The following HS3ST5 variants were observed in gnomAD, a reference collection of about 807,000 sequenced individuals.
The protein encoded by HS3ST5 is heparan sulfate glucosamine 3-O-sulfotransferase 5.
In HS3ST5, 10 loss-of-function variants were observed where a neutral mutation model predicts 25.4. The observed-to-expected ratio is 0.39, with a 90% CI of 0.24 to 0.67. The LOEUF (loss-of-function observed/expected upper bound fraction) is 0.67. HS3ST5 is among the 30% of genes least tolerant of loss of function. The probability of loss-of-function intolerance (pLI) is 0.44; values close to 1 mark genes in which losing one functional copy is unlikely to be tolerated. For missense variants in HS3ST5, 324 were observed against 420.7 expected (o/e 0.77, Z 2.01); for synonymous variants, 170 against 162.4 (o/e 1.05, Z -0.36).
At chr6:114,335,168 C>T (rs2114929129) in intron 1 of HS3ST5, among the ~76,000 whole-genome samples, 1 of 152,170 alleles carries the variant, frequency 6.6e-6, no homozygotes, top group Middle Eastern at 3.4e-3. Context: ...TGGGTCCTTC[C>T]TGGGCCTCAA....
chr6:114,298,513 G>A (rs1255212800), intron 1 of HS3ST5, among the ~76,000 whole-genome samples: 2 of 152,148 alleles, frequency 1.3e-5, no homozygotes, highest in Non-Finnish European at 2.9e-5. Flanking sequence ...TGTCATAGAT[G>A]AGAATTAAAA....
chr6:114,114,867 T>G (rs183131599), intron 3 of HS3ST5, among the ~76,000 whole-genome samples: 2 of 152,272 alleles, frequency 1.3e-5, no homozygotes, highest in Admixed American at 1.3e-4. Flanking sequence ...TCTTTTTGTG[T>G]TAAAAGGTTA....
At chr6:114,123,989 C>T (rs909539386) in intron 3 of HS3ST5, among the ~76,000 whole-genome samples, 2 of 152,130 alleles carry the variant, frequency 1.3e-5, no homozygotes, top group Non-Finnish European at 2.9e-5. Context: ...ATTATCACAT[C>T]CACTTTCTAA....
chr6:114,201,401 A>C (rs1264869896), intron 2 of HS3ST5, among the ~76,000 whole-genome samples: 1 of 152,098 alleles, frequency 6.6e-6, no homozygotes, highest in African/African-American at 2.4e-5. Flanking sequence ...TTGTTATTCC[A>C]ATAGTCGTTT....
At chr6:114,294,632 A>G (rs1384802324) in intron 1 of HS3ST5, among the ~76,000 whole-genome samples, 3 of 152,088 alleles carry the variant, frequency 2.0e-5, no homozygotes, top group East Asian at 3.9e-4. Flanking sequence ...TTTTTAGTAG[A>G]GACGGGGTTT....
At position 114,191,661 on chromosome 6, in the gene HS3ST5, G is replaced by A. The variant is rs113456999; in HGVS notation, c.-144-23199C>T. Among the ~76,000 whole-genome samples the A allele has an allele frequency of 2.7e-3, 414 of 152,118 alleles. 2 individuals carry two copies. Among genetic ancestry groups the A allele is most frequent in the African/African-American group, 9.5e-3 (395 of 41,474 alleles). ...GGCAAAGTCAAATATCCATATCATCGGTGCCTTGCAGTGTCCGAAGCTGGG... is the reference window on the plus strand; with the variant it reads ...GGCAAAGTCAAATATCCATATCATCAGTGCCTTGCAGTGTCCGAAGCTGGG... On this transcript the variant is annotated intron_variant, in intron 2 of 4. Coordinates refer to ENST00000312719, the MANE Select transcript of HS3ST5 (RefSeq NM_153612.4).
chr6:114,341,614 G>C (rs1020329798), intron 1 of HS3ST5, among the ~76,000 whole-genome samples: 2 of 150,102 alleles, frequency 1.3e-5, no homozygotes, highest in African/African-American at 2.4e-5. Flanking sequence ...CGTGTGTGTT[G>C]GGTGGGAAGA....
intron 1 of HS3ST5, among the ~76,000 whole-genome samples, chr6:114,330,787 CAA>C (rs1299835410): frequency 1.3e-5 from 2 of 152,130 alleles, no homozygotes; most frequent in Admixed American, 1.3e-4. Context: ...CTGGGTAAAA[CAA>C]AGACTGCAAC....
chr6:114,183,723 A>G (rs535089300), intron 2 of HS3ST5, among the ~76,000 whole-genome samples: 52 of 152,162 alleles, frequency 3.4e-4, no homozygotes, highest in Non-Finnish European at 5.1e-4. Context: ...TCATAAAGGG[A>G]TTTTTAAAGG....
intron 3 of HS3ST5, among the ~76,000 whole-genome samples, chr6:114,080,465 A>G (rs1774387843): frequency 6.6e-6 from 1 of 152,238 alleles, no homozygotes; most frequent in Admixed American, 6.5e-5. Flanking sequence ...AAATTGTTCT[A>G]CCAAAAGAAA....
chr6:114,140,774 T>C (rs1198269268), intron 3 of HS3ST5, among the ~76,000 whole-genome samples: 1 of 152,170 alleles, frequency 6.6e-6, no homozygotes, highest in Non-Finnish European at 1.5e-5. Flanking sequence ...AATGGCTAGT[T>C]TGTTATTTTT....
chr6:114,124,630 CTTT>C (rs565626745), intron 3 of HS3ST5, among the ~76,000 whole-genome samples: 4 of 127,818 alleles, frequency 3.1e-5, no homozygotes, highest in Admixed American at 8.0e-5. Flanking sequence ...AGGATTAGCT[CTTT>C]TTTTTTTTTT....
At chr6:114,261,669 T>C (rs1050271674) in intron 1 of HS3ST5, among the ~76,000 whole-genome samples, 3 of 152,238 alleles carry the variant, frequency 2.0e-5, no homozygotes, top group African/African-American at 7.2e-5. Context: ...CCATTTACAG[T>C]ATAGTTTATT....
At chr6:114,295,514 A>C (rs947078506) in intron 1 of HS3ST5, among the ~76,000 whole-genome samples, 3 of 152,200 alleles carry the variant, frequency 2.0e-5, no homozygotes, top group African/African-American at 7.2e-5. Context: ...AAGCAGAAAC[A>C]CTTATTCAAA....
At chr6:114,165,646 C>T (rs969731285) in intron 3 of HS3ST5, among the ~76,000 whole-genome samples, 1 of 152,180 alleles carries the variant, frequency 6.6e-6, no homozygotes, top group African/African-American at 2.4e-5. Flanking sequence ...GGCAACTTGA[C>T]GTCAGTGTCA....
chr6:114,319,792 T>C (rs1775888173), intron 1 of HS3ST5, among the ~76,000 whole-genome samples: 1 of 152,156 alleles, frequency 6.6e-6, no homozygotes, highest in Non-Finnish European at 1.5e-5. Flanking sequence ...CAAACAAGAT[T>C]GTAATAAACA....
intron 3 of HS3ST5, among the ~76,000 whole-genome samples, chr6:114,102,294 A>G (rs1036913305): frequency 6.6e-6 from 1 of 152,224 alleles, no homozygotes; most frequent in Admixed American, 6.5e-5. Context: ...ATGGTTGCAC[A>G]TAGTTCTTTC....
intron 1 of HS3ST5, among the ~76,000 whole-genome samples, chr6:114,323,072 C>T (rs1469304525): frequency 6.6e-6 from 1 of 152,104 alleles, no homozygotes; most frequent in Non-Finnish European, 1.5e-5. Context: ...TTGCAATACA[C>T]ACATAGTGGG....
chr6:114,123,628 A>G (rs1316412436), intron 3 of HS3ST5, among the ~76,000 whole-genome samples: 1 of 152,194 alleles, frequency 6.6e-6, no homozygotes, highest in Non-Finnish European at 1.5e-5. Flanking sequence ...TAGATCCACA[A>G]TCCCATTCAG....
Sources: gnomAD v4.1 joint callset for allele counts (sites outside exome capture counted in the v4.1 genomes callset) on GRCh38, gnomAD v4.1.1 for gene constraint, MANE v1.5 for transcripts, NCBI Gene and HGNC (gene_info 2026-07-23, HGNC 2026-07-21) for gene names.